The following AGBL1 variants were observed in gnomAD, a reference collection of about 807,000 sequenced individuals.
AGBL1 encodes the protein cytosolic carboxypeptidase 4.
AGBL1 carries 130 observed loss-of-function variants against 118.9 expected under a neutral mutation model. The observed-to-expected ratio is 1.09, with a 90% CI of 0.95 to 1.26. AGBL1 has a LOEUF of 1.26. AGBL1 is among the 50% of genes most tolerant of loss of function. The pLI is 0.00. For synonymous variants in AGBL1, 555 were observed against 478.9 expected, an observed-to-expected ratio of 1.16 and a Z score of -2.08; for missense variants, 1,584 against 1,298.1, an observed-to-expected ratio of 1.22 and a Z score of -3.38.
chr15:86,676,423 C>G (rs1483694943), intron 22 of AGBL1, among the ~76,000 whole-genome samples: 1 of 152,064 alleles, frequency 6.6e-6, no homozygotes, highest in Admixed American at 6.6e-5. Flanking sequence ...AGCCAATAAG[C>G]TTATGGTCAC....
chr15:86,682,590 A>G (rs2085980564), intron 22 of AGBL1, among the ~76,000 whole-genome samples: 1 of 152,150 alleles, frequency 6.6e-6, no homozygotes, highest in South Asian at 2.1e-4. Flanking sequence ...AGCTTACAGA[A>G]TATTACTCAA....
chr15:86,628,443 C>T (rs1053787074), intron 21 of AGBL1, among the ~76,000 whole-genome samples: 3 of 152,142 alleles, frequency 2.0e-5, no homozygotes, highest in African/African-American at 7.2e-5. Context: ...CTGATAGGCG[C>T]GTTGAATGAA....
chr15:86,130,646 T>C (rs1308397059), intron 1 of AGBL1, among the ~76,000 whole-genome samples: 5 of 152,236 alleles, frequency 3.3e-5, no homozygotes, highest in Non-Finnish European at 1.5e-5. Flanking sequence ...GCAGTTTAAA[T>C]GCTTGGTATA....
intron 22 of AGBL1, among the ~76,000 whole-genome samples, chr15:86,881,949 T>C (rs1352478701): frequency 6.6e-6 from 1 of 152,124 alleles, no homozygotes; most frequent in Admixed American, 6.6e-5. Flanking sequence ...CACGATCCAA[T>C]CGCCTCCCAC....
intron 1 of AGBL1, among the ~76,000 whole-genome samples, chr15:86,108,744 G>T (rs1899857): frequency 1.3e-5 from 2 of 152,156 alleles, no homozygotes; most frequent in Non-Finnish European, 2.9e-5. Flanking sequence ...GGATCACGAG[G>T]TCAAGAGATC....
intron 1 of AGBL1, among the ~76,000 whole-genome samples, chr15:86,114,632 G>A (rs941078720): frequency 1.3e-5 from 2 of 151,936 alleles, no homozygotes; most frequent in African/African-American, 4.8e-5. Flanking sequence ...TTTTTTCACC[G>A]ATGTCACAAT....
intron 18 of AGBL1, among the ~76,000 whole-genome samples, chr15:86,434,716 AC>A (rs1395032791): frequency 6.6e-6 from 1 of 152,190 alleles, no homozygotes; most frequent in African/African-American, 2.4e-5. Context: ...AATATCTGAC[AC>A]CAGAGGATGT....
chr15:86,895,501 C>G (rs1356656929), intron 22 of AGBL1, among the ~76,000 whole-genome samples: 1 of 151,300 alleles, frequency 6.6e-6, no homozygotes, highest in Admixed American at 6.6e-5. Flanking sequence ...AGTGGTTTCT[C>G]CATGGGAAGA....
chr15:86,741,335 G>A (rs764858116), intron 22 of AGBL1, among the ~76,000 whole-genome samples: 41 of 117,936 alleles, frequency 3.5e-4, no homozygotes, highest in Middle Eastern at 8.2e-3. Context: ...CACTGAGCCT[G>A]TAAAGAGAAT....
chr15:86,253,051 G>A (rs940161381), intron 7 of AGBL1, among the ~76,000 whole-genome samples: 5 of 152,044 alleles, frequency 3.3e-5, no homozygotes, highest in African/African-American at 1.2e-4. Flanking sequence ...GTTCCAGGGA[G>A]AGAAAAAGAA....
intron 21 of AGBL1, among the ~76,000 whole-genome samples, chr15:86,593,286 G>A (rs2084362783): frequency 2.3e-5 from 3 of 131,602 alleles, no homozygotes; most frequent in Admixed American, 8.4e-5. Flanking sequence ...CTTGTCCCAA[G>A]GAACCTTAGA....
At chr15:86,759,322 T>G (rs1451448599) in intron 22 of AGBL1, among the ~76,000 whole-genome samples, 1 of 152,140 alleles carries the variant, frequency 6.6e-6, no homozygotes, top group African/African-American at 2.4e-5. Context: ...GATAAAATTC[T>G]GCTTAATAGG....
intron 22 of AGBL1, among the ~76,000 whole-genome samples, chr15:86,677,809 A>G (rs896636503): frequency 2.6e-5 from 4 of 152,202 alleles, no homozygotes; most frequent in African/African-American, 9.7e-5. Context: ...TATTAGAAAA[A>G]AAAGTTTAAT....
intron 5 of AGBL1, among the ~76,000 whole-genome samples, chr15:86,218,999 A>G (rs1409301844): frequency 6.6e-6 from 1 of 152,234 alleles, no homozygotes; most frequent in African/African-American, 2.4e-5. Flanking sequence ...AGCTGCTACA[A>G]TTGTGGTAAC....
chr15:86,842,136 G>T (rs1239970991), intron 22 of AGBL1, among the ~76,000 whole-genome samples: 2 of 151,626 alleles, frequency 1.3e-5, no homozygotes, highest in Non-Finnish European at 2.9e-5. Context: ...AAACTGCTTT[G>T]CTTTGCTAGT....
At chr15:86,943,395 T>A (rs1223691244) in intron 23 of AGBL1, among the ~76,000 whole-genome samples, 1 of 152,210 alleles carries the variant, frequency 6.6e-6, no homozygotes, top group Non-Finnish European at 1.5e-5. Flanking sequence ...TCTATTAATT[T>A]TGGAATCTGT....
chr15:86,655,974 G>A (rs2085456952), intron 21 of AGBL1, among the ~76,000 whole-genome samples: 1 of 152,194 alleles, frequency 6.6e-6, no homozygotes. Flanking sequence ...GTCTCCTCAT[G>A]TGTAAAATGG....
chr15:86,220,667 A>G (rs1216102063), intron 5 of AGBL1, among the ~76,000 whole-genome samples: 1 of 152,192 alleles, frequency 6.6e-6, no homozygotes. Flanking sequence ...ATGAAAATAG[A>G]TAGGATGTGG....
At chr15:86,678,995 A>T (rs1214463111) in intron 22 of AGBL1, among the ~76,000 whole-genome samples, 1 of 152,042 alleles carries the variant, frequency 6.6e-6, no homozygotes, top group Non-Finnish European at 1.5e-5. Context: ...TAGCTTTGTA[A>T]TCTAAATGTA....
Sources: allele counts gnomAD v4.1 joint callset (sites outside exome capture counted in the v4.1 genomes callset), GRCh38; gene constraint gnomAD v4.1.1; transcripts MANE v1.5; gene names NCBI Gene and HGNC (gene_info 2026-07-23, HGNC 2026-07-21).